CHAT: variants seen among roughly 807,000 people sequenced by gnomAD.
CHAT encodes the protein acetyl CoA:choline O-acetyltransferase.
In CHAT, 61 loss-of-function variants were observed where a neutral mutation model predicts 76.9. That is an observed-to-expected ratio of 0.79 (90% CI 0.65 to 0.98). The LOEUF (loss-of-function observed/expected upper bound fraction) is 0.98, where lower values mean the gene tolerates loss of function less well. Among genes scored for constraint, CHAT ranks in the 50% least tolerant of loss-of-function variants. The pLI, the probability that CHAT is intolerant of heterozygous loss-of-function variation, is 0.00. For missense variants in CHAT, 946 were observed against 986.9 expected (o/e 0.96, Z 0.56); for synonymous variants, 407 against 397.4 (o/e 1.02, Z -0.29).
intron 7 of CHAT, chr10:49,637,559 TG>T (rs1839337810): frequency 6.6e-6 from 1 of 152,560 alleles, no homozygotes; most frequent in Admixed American, 6.5e-5. Context: ...CCTTGTTCTC[TG>T]TCTCTCCTGC....
rs934913884 is a variant in CHAT at position 49,663,224 on chromosome 10, T to C, written c.1977+442T>C. ...CAGCCCAGGTGACAGAGTGAGACCC[T>C]GTCTCAAAAAAAGAAAAAAGGAAGA... On this transcript the variant is annotated intron_variant, in intron 14 of 14. Coordinates refer to ENST00000337653, the MANE Select transcript of CHAT (RefSeq NM_020549.5). 9.2e-5 allele frequency among the ~76,000 whole-genome samples: 14 copies of C among 152,140 alleles called. 1 individual carries two copies. The highest frequency in any genetic ancestry group is 7.2e-4 in the Admixed American group (11 of 15,282).
intron 7 of CHAT, among the ~76,000 whole-genome samples, chr10:49,631,357 G>A (rs12217567): frequency 0.26 from 39,123 of 152,090 alleles, 6,023 homozygotes; most frequent in East Asian, 0.42. Context: ...GCCTCTGTGC[G>A]TATCTGCATC....
chr10:49,649,757 T>G, intron 10 of CHAT, 121 bp downstream of exon 10: 1 of 1,002,884 alleles, frequency 1.0e-6, no homozygotes, highest in Middle Eastern at 2.1e-4. Context: ...CTCCTTGGGC[T>G]CCACCTCGTC....
chr10:49,665,033 G>T lies in CHAT; in HGVS notation c.2234G>T (p.Gly745Val), dbSNP rs867343616. 1 of 1,613,916 alleles carries T rather than the reference G, an allele frequency of 6.2e-7. No individual in the cohort carries two copies. The highest frequency in any genetic ancestry group is 2.2e-5 in the East Asian group (1 of 44,876). ...GAAAAAGCCACGAGGCCCAGCCAGG[G>T]ACACCAACCTTGACTCCTGCCACTA... ...TKEKATRPSQ[G>V]HQP The change falls in exon 15 of 15, where the codon GGA becomes GTA. Residue 745 changes from glycine (G) to valine (V), a missense_variant. Gly to Val is a moderately radical substitution (Grantham distance 109). Around this residue, in one of 3 missense-constraint regions of CHAT, gnomAD observed 349 missense variants for 393.9 expected, o/e 0.89. Transcript: ENST00000337653.
chr10:49,611,871 C>T (rs1184898298), upstream of CHAT: 1 of 1,608,520 alleles, frequency 6.2e-7, no homozygotes. Flanking sequence ...TGCCCGCCTG[C>T]CGCTCCTTCG....
chr10:49,614,179 C>G lies in CHAT; in HGVS notation c.-11C>G, dbSNP rs1221358681. On this transcript the variant is annotated 5_prime_UTR_variant, in exon 1 of 15. Coordinates refer to ENST00000337653, the MANE Select transcript of CHAT (RefSeq NM_020549.5). ...GGAGCTGAGATCCCTGGGCGGGGAGCTGGGGAAGGGATGGGGCTGAGGACA... is the reference window on the plus strand; with the variant it reads ...GGAGCTGAGATCCCTGGGCGGGGAGGTGGGGAAGGGATGGGGCTGAGGACA... The G allele has an allele frequency of 4.3e-6, 6 of 1,383,526 alleles. No individual in the cohort carries two copies. In the Admixed American group the frequency reaches 8.8e-5, roughly 20 times the overall value. 85.7% of individuals were successfully genotyped at this position (1,383,526 alleles called of 1,614,324 possible). A position where few individuals can be genotyped will look rare whatever the true frequency, so the allele number is the denominator to read the frequency against.
rs760452753 is a variant in CHAT at position 49,655,158 on chromosome 10, C to T, written c.1698C>T (p.Arg566=). Residue 566 remains arginine, a synonymous_variant, in exon 12 of 15, where the codon CGC becomes CGT. Coordinates refer to ENST00000337653, the MANE Select transcript of CHAT (RefSeq NM_020549.5). ...CCATCCGCCGATTCCAGGAGGGACG[C>T]GTGGACAACATCAGATCGGCCACTC... ...SASIRRFQEG[R]VDNIRSATPE... is the part of the protein sequence containing the mutation. The T allele has an allele frequency of 3.7e-6, 6 of 1,613,906 alleles. No homozygotes were observed. Among genetic ancestry groups the T allele is most frequent in the Admixed American group, 1.7e-5 (1 of 59,990 alleles).
rs781569427 is a variant in CHAT at position 49,646,627 on chromosome 10, G to A, written c.1234G>A (p.Gly412Ser). The A allele has an allele frequency of 1.2e-6, 2 of 1,614,194 alleles. No homozygotes were observed. Among genetic ancestry groups the A allele is most frequent in the South Asian group, 1.1e-5 (1 of 91,086 alleles). Residue 412 changes from glycine to serine, a missense_variant, in exon 8 of 15, where the codon GGC becomes AGC. Coordinates refer to ENST00000337653, the MANE Select transcript of CHAT (RefSeq NM_020549.5). The stretch of plus-strand genomic sequence containing the variant: ...GGCACTCCAGCTCCTTCACGGCGGA[G>A]GCTACAGCAAGAACGGGGCCAATCG... ...HRALQLLHGG[G>S]YSKNGANRWY...
At chr10:49,622,725 A>G (rs1303448670) in intron 5 of CHAT, among the ~76,000 whole-genome samples, 1 of 152,208 alleles carries the variant, frequency 6.6e-6, no homozygotes, top group African/African-American at 2.4e-5. Context: ...CAAGTCTCTC[A>G]AGGTAGAGAC....
rs556640338 is a variant in CHAT at position 49,616,370 on chromosome 10, G to C, written c.287-132G>C. On this transcript the variant is annotated intron_variant, in intron 1 of 14. Coordinates refer to ENST00000337653, the MANE Select transcript of CHAT (RefSeq NM_020549.5). Reference sequence around the variant, plus strand: ...GAGACTGGGGCCACGCCTGCAATGAGACCCCTATACACAGCTGTCAGGCTC... The same window carrying C: ...GAGACTGGGGCCACGCCTGCAATGACACCCCTATACACAGCTGTCAGGCTC... 19 of 761,324 alleles carry C rather than the reference G, an allele frequency of 2.5e-5. No individual in the cohort carries two copies. In the Admixed American group the frequency reaches 3.0e-4, roughly 12 times the overall value. The allele number at this position is 761,324 out of a possible 1,614,324, so 47.2% of individuals were successfully genotyped here.
chr10:49,611,643 T>C (rs779775091), upstream of CHAT: 1 of 1,612,158 alleles, frequency 6.2e-7, no homozygotes, highest in South Asian at 1.1e-5. Flanking sequence ...TCACCACCTG[T>C]AACATTCCCC....
chr10:49,623,683 T>G (rs1357566453), intron 5 of CHAT, among the ~76,000 whole-genome samples: 5 of 152,116 alleles, frequency 3.3e-5, no homozygotes, highest in Non-Finnish European at 5.9e-5. Context: ...CGCCTCTCCC[T>G]CCCCATTCCC....
intron 2 of CHAT, among the ~76,000 whole-genome samples, chr10:49,617,823 G>A (rs1838554333): frequency 6.6e-6 from 1 of 152,172 alleles, no homozygotes; most frequent in Non-Finnish European, 1.5e-5. Flanking sequence ...AGGGCAGTCT[G>A]GGATGCTGTC....
chr10:49,609,210 C>G (rs1200138831), upstream of CHAT: 2 of 152,266 alleles, frequency 1.3e-5, no homozygotes, highest in Non-Finnish European at 2.9e-5. Context: ...GTGAGTCTCC[C>G]TGGAGCCCCT....
intron 13 of CHAT, among the ~76,000 whole-genome samples, chr10:49,659,811 G>A (rs61849366): frequency 0.19 from 28,995 of 151,988 alleles, 3,392 homozygotes; most frequent in Middle Eastern, 0.26. Flanking sequence ...GCAGTCAGCC[G>A]AGATCACGCC....
At position 49,614,219 on chromosome 10, in the gene CHAT, G is replaced by C. The variant is rs528479799; in HGVS notation, c.30G>C (p.Gly10=). The change falls in exon 1 of 15, where the codon GGG becomes GGC. Residue 10 remains glycine (G), a synonymous_variant. Transcript: ENST00000337653. ...GGCTGAGGACAGCGAAGAAGAGGGG[G>C]CTTGGGGGAGGGGGGAAATGGAAGA... The part of the protein sequence containing the change: MGLRTAKKR[G]LGGGGKWKRE... The C allele has an allele frequency of 3.3e-6, 5 of 1,525,922 alleles. No homozygotes were observed. The highest frequency in any genetic ancestry group is 4.9e-5 in the East Asian group (2 of 40,490). The allele number at this position is 1,525,922 out of a possible 1,614,324, so 94.5% of individuals were successfully genotyped here.
intron 11 of CHAT, among the ~76,000 whole-genome samples, chr10:49,654,257 C>A (rs1026899074): frequency 2.6e-5 from 4 of 152,214 alleles, no homozygotes; most frequent in African/African-American, 4.8e-5. Flanking sequence ...ACACACCCTG[C>A]AGACTTGGAC....
At chr10:49,621,229 G>C (rs190275718) in intron 4 of CHAT, among the ~76,000 whole-genome samples, 112 of 152,264 alleles carry the variant, frequency 7.4e-4, no homozygotes, top group African/African-American at 2.6e-3. Flanking sequence ...GGTTTAGAGG[G>C]AGGGCAGACC....
At chr10:49,646,954 AG>A (rs1207502947) in intron 8 of CHAT, 1 of 513,244 alleles carries the variant, frequency 1.9e-6, no homozygotes, top group African/African-American at 1.9e-5. Context: ...AGCCTGTGCC[AG>A]GAAGGTCTGG....
Sources: allele counts gnomAD v4.1 joint callset (sites outside exome capture counted in the v4.1 genomes callset), GRCh38; gene constraint gnomAD v4.1.1; regional missense constraint gnomAD v4.1.1; transcripts MANE v1.5; gene names NCBI Gene and HGNC (gene_info 2026-07-23, HGNC 2026-07-21).